Variants in RNF24 observed in about 807,000 individuals in gnomAD.
RNF24 encodes ring finger protein 24.
RNF24 carries 14 observed loss-of-function variants against 20.0 expected under a neutral mutation model. The ratio of observed to expected loss-of-function variants is 0.70; its 90% CI spans 0.46 to 1.10. The LOEUF is 1.10. Among genes scored for constraint, RNF24 ranks in the 50% least tolerant of loss-of-function variants. RNF24 has a pLI of 0.00. For missense variants in RNF24, 124 were observed against 177.6 expected, an observed-to-expected ratio of 0.70 and a Z score of 1.71; for synonymous variants, 45 against 61.1, an observed-to-expected ratio of 0.74 and a Z score of 1.23.
intron 1 of RNF24, among the ~76,000 whole-genome samples, chr20:3,992,893 C>T (rs1189635745): frequency 2.0e-5 from 3 of 152,094 alleles, no homozygotes; most frequent in Non-Finnish European, 4.4e-5. Context: ...TACTTTGTTT[C>T]TTTGTCATAT....
intron 1 of RNF24, among the ~76,000 whole-genome samples, chr20:4,000,813 C>T (rs1981323558): frequency 6.6e-6 from 1 of 152,164 alleles, no homozygotes; most frequent in South Asian, 2.1e-4. Flanking sequence ...CTGGAATATT[C>T]AATGATAATT....
intron 4 of RNF24, among the ~76,000 whole-genome samples, chr20:3,944,462 G>A (rs948764552): frequency 2.6e-5 from 4 of 152,056 alleles, no homozygotes; most frequent in African/African-American, 9.7e-5. Flanking sequence ...GGCTATATGC[G>A]ACACTGCTAT....
chr20:3,992,301 T>G (rs1406701269), intron 1 of RNF24, among the ~76,000 whole-genome samples: 1 of 152,192 alleles, frequency 6.6e-6, no homozygotes, highest in Non-Finnish European at 1.5e-5. Context: ...TGAGGCTACT[T>G]TAGTAAAGCA....
intron 1 of RNF24, among the ~76,000 whole-genome samples, chr20:3,994,157 A>C (rs1282934141): frequency 6.6e-6 from 1 of 152,230 alleles, no homozygotes; most frequent in African/African-American, 2.4e-5. Context: ...CACTTCTCGA[A>C]ACAGTATTGA....
chr20:3,971,057 A>T (rs1265768889), intron 1 of RNF24, among the ~76,000 whole-genome samples: 1 of 152,202 alleles, frequency 6.6e-6, no homozygotes, highest in African/African-American at 2.4e-5. Flanking sequence ...CTGAAAACTA[A>T]AACAACAACA....
chr20:3,998,266 C>T (rs1159270238), intron 1 of RNF24, among the ~76,000 whole-genome samples: 2 of 151,846 alleles, frequency 1.3e-5, no homozygotes, highest in African/African-American at 4.8e-5. Flanking sequence ...AGGTGAAACC[C>T]CGTCTCTACT....
chr20:3,956,487 C>T (rs144947620), intron 2 of RNF24, among the ~76,000 whole-genome samples: 1 of 150,960 alleles, frequency 6.6e-6, no homozygotes, highest in Non-Finnish European at 1.5e-5. Flanking sequence ...TGTATATTTT[C>T]TTTCCTCTTT....
chr20:3,942,758 C>T (rs2090972031), intron 4 of RNF24, among the ~76,000 whole-genome samples: 1 of 152,066 alleles, frequency 6.6e-6, no homozygotes, highest in Non-Finnish European at 1.5e-5. Context: ...CAGGCGTGAG[C>T]CACCGCGCCT....
chr20:3,985,680 C>T (rs1979825793), intron 1 of RNF24, among the ~76,000 whole-genome samples: 1 of 150,644 alleles, frequency 6.6e-6, no homozygotes, highest in African/African-American at 2.4e-5. Context: ...TCTATTTTTA[C>T]TCTGCCATAT....
intron 1 of RNF24, among the ~76,000 whole-genome samples, chr20:3,985,627 T>C (rs1979819368): frequency 6.6e-6 from 1 of 152,206 alleles, no homozygotes; most frequent in African/African-American, 2.4e-5. Flanking sequence ...GTTTGTCTAC[T>C]TGAATATTTT....
At chr20:3,949,759 T>G (rs1568623063) in intron 2 of RNF24, among the ~76,000 whole-genome samples, 3 of 152,208 alleles carry the variant, frequency 2.0e-5, no homozygotes, top group Admixed American at 2.0e-4. Flanking sequence ...CACATCTTTG[T>G]AGGTTAAGTC....
intron 1 of RNF24, among the ~76,000 whole-genome samples, chr20:3,989,268 G>A (rs1980199856): frequency 6.6e-6 from 1 of 152,126 alleles, no homozygotes; most frequent in Admixed American, 6.5e-5. Context: ...GAGGCAGGCG[G>A]ATCACGAGGT....
chr20:3,959,930 A>T (rs913571281), intron 2 of RNF24, among the ~76,000 whole-genome samples: 1 of 152,232 alleles, frequency 6.6e-6, no homozygotes, highest in African/African-American at 2.4e-5. Flanking sequence ...TCAGGGAAAA[A>T]ATATGAACAA....
chr20:3,957,230 G>A (rs964441942), intron 2 of RNF24, among the ~76,000 whole-genome samples: 20 of 152,020 alleles, frequency 1.3e-4, no homozygotes, highest in African/African-American at 4.3e-4. Flanking sequence ...CCCATGAGGC[G>A]GAGGTTGCAG....
intron 1 of RNF24, among the ~76,000 whole-genome samples, chr20:3,992,785 A>G (rs932784214): frequency 2.6e-5 from 4 of 152,210 alleles, no homozygotes; most frequent in Admixed American, 2.0e-4. Context: ...TCCTAGTGTC[A>G]TAATTTCCAA....
At chr20:3,983,130 A>G in intron 1 of RNF24, among the ~76,000 whole-genome samples, 1 of 152,152 alleles carries the variant, frequency 6.6e-6, no homozygotes, top group Admixed American at 6.5e-5. Context: ...TGGCTTCTAG[A>G]ACTGTGAGAA....
At chr20:4,007,504 G>C (rs1016129869) in intron 1 of RNF24, among the ~76,000 whole-genome samples, 1 of 152,046 alleles carries the variant, frequency 6.6e-6, no homozygotes, top group Non-Finnish European at 1.5e-5. Flanking sequence ...CCAGAAATAA[G>C]AAAACTTAAT....
rs1361679820 is a variant in RNF24 at position 3,964,227 on chromosome 20, T to C, written c.-7-203A>G. On this transcript the variant is annotated intron_variant, in intron 1 of 5. Coordinates refer to ENST00000358395, the MANE Select transcript of RNF24 (RefSeq NM_001134337.3). ...ATGTACCTGGCACTATTTCAGAGAC[T>C]GGAGATCCAATATAAAAAGCTTTGC... is the stretch of plus-strand genomic sequence containing the variant. Among the ~76,000 whole-genome samples, 3 of 152,196 alleles carry C rather than the reference T, an allele frequency of 2.0e-5. No individual in the cohort carries two copies. The East Asian group carries it at 5.8e-4, about 29-fold the overall frequency.
At chr20:3,941,072 T>C (rs2090949421) in intron 4 of RNF24, among the ~76,000 whole-genome samples, 1 of 152,162 alleles carries the variant, frequency 6.6e-6, no homozygotes, top group Non-Finnish European at 1.5e-5. Flanking sequence ...CACCTACGCT[T>C]GAGTGCAGTG....
Sources: allele counts gnomAD v4.1 joint callset (sites outside exome capture counted in the v4.1 genomes callset), GRCh38; gene constraint gnomAD v4.1.1; transcripts MANE v1.5; gene names NCBI Gene and HGNC (gene_info 2026-07-23, HGNC 2026-07-21).